Variants in ATP8B4 observed in about 807,000 individuals in gnomAD.
ATP8B4 encodes the protein probable phospholipid-transporting ATPase IM.
A neutral mutation model predicts 145.6 loss-of-function variants in ATP8B4; 133 were observed. The observed-to-expected ratio is 0.91, with a 90% confidence interval of 0.79 to 1.05. The LOEUF (loss-of-function observed/expected upper bound fraction) is 1.05, where lower values mean the gene tolerates loss of function less well. ATP8B4 is among the 50% of genes least tolerant of loss of function. The pLI, the probability that ATP8B4 is intolerant of heterozygous loss-of-function variation, is 0.00. For missense variants in ATP8B4, 1,458 were observed against 1,425.2 expected (o/e 1.02, Z -0.37); for synonymous variants, 507 against 492.9 (o/e 1.03, Z -0.38).
At chr15:50,130,914 A>G (rs141779074) in intron 1 of ATP8B4, among the ~76,000 whole-genome samples, 2,295 of 152,306 alleles carry the variant, frequency 0.015, 44 homozygotes, top group Non-Finnish European at 0.019. Context: ...AGACTGGGTA[A>G]TTTATAAACA....
At chr15:50,018,758 T>G in intron 6 of ATP8B4, 1 of 396,480 alleles carries the variant, frequency 2.5e-6, no homozygotes, top group Non-Finnish European at 4.6e-6. Flanking sequence ...ACTGTATTAT[T>G]CTGGTCCCTC....
At chr15:50,067,413 T>C (rs2053456703) in intron 3 of ATP8B4, among the ~76,000 whole-genome samples, 1 of 152,132 alleles carries the variant, frequency 6.6e-6, no homozygotes, top group African/African-American at 2.4e-5. Context: ...TAGTCTAAGG[T>C]CTGACTACAG....
intron 1 of ATP8B4, among the ~76,000 whole-genome samples, chr15:50,174,651 C>A (rs2044736452): frequency 6.6e-6 from 1 of 150,884 alleles, no homozygotes; most frequent in Admixed American, 6.6e-5. Flanking sequence ...ATAGATGACA[C>A]AAAGAAATGG....
chr15:50,072,012 CTAAATATTAA>C (rs57022573), intron 3 of ATP8B4, among the ~76,000 whole-genome samples: 15,479 of 150,686 alleles, frequency 0.1, 854 homozygotes, highest in African/African-American at 0.13. Context: ...GCTACCTCTC[CTAAATATTAA>C]TAAATATTAA....
At chr15:49,940,992 A>G (rs1282914901) in intron 14 of ATP8B4, among the ~76,000 whole-genome samples, 4 of 152,186 alleles carry the variant, frequency 2.6e-5, no homozygotes, top group African/African-American at 9.6e-5. Flanking sequence ...AGCAAACTAT[A>G]TTTTTAGGGA....
At chr15:49,883,700 G>A (rs544060871) in intron 23 of ATP8B4, among the ~76,000 whole-genome samples, 1 of 151,990 alleles carries the variant, frequency 6.6e-6, no homozygotes, top group South Asian at 2.1e-4. Context: ...TCCATGATGT[G>A]CTTATTTCAC....
At chr15:50,117,329 C>T (rs893846103) in intron 1 of ATP8B4, among the ~76,000 whole-genome samples, 19 of 152,204 alleles carry the variant, frequency 1.2e-4, no homozygotes, top group Non-Finnish European at 2.5e-4. Context: ...GGATTACAGG[C>T]ATGAGCCACT....
intron 1 of ATP8B4, among the ~76,000 whole-genome samples, chr15:50,172,253 C>T (rs527960270): frequency 3.3e-5 from 5 of 152,366 alleles, no homozygotes; most frequent in African/African-American, 1.2e-4. Flanking sequence ...CCTGATTCTC[C>T]TGCCTCAGCC....
intron 23 of ATP8B4, among the ~76,000 whole-genome samples, chr15:49,888,095 T>C (rs1001729977): frequency 6.6e-6 from 1 of 152,200 alleles, no homozygotes; most frequent in Non-Finnish European, 1.5e-5. Flanking sequence ...GGAATAAATA[T>C]GAGGTGCTCA....
At chr15:50,084,638 C>T (rs900247003) in intron 2 of ATP8B4, among the ~76,000 whole-genome samples, 1 of 152,176 alleles carries the variant, frequency 6.6e-6, no homozygotes, top group Non-Finnish European at 1.5e-5. Flanking sequence ...TCTTACAGTT[C>T]TGAAAGTCAG....
chr15:50,060,215 A>G lies in ATP8B4; in HGVS notation c.88-12751T>C, dbSNP rs1171570207. 3.4e-4 allele frequency among the ~76,000 whole-genome samples: 52 copies of G among 152,182 alleles called. 1 individual carries two copies. Among genetic ancestry groups the G allele is most frequent in the Admixed American group, 3.4e-3 (52 of 15,278 alleles). On this transcript the variant is annotated intron_variant, in intron 3 of 27. Transcript: ENST00000284509. ...CAGACATGCCGTACTGAAGGGAACT[A>G]CTTATGTGACAAGACAGATCACCTC...
At chr15:50,128,131 C>A (rs1164483774) in intron 1 of ATP8B4, among the ~76,000 whole-genome samples, 1 of 152,184 alleles carries the variant, frequency 6.6e-6, no homozygotes, top group Non-Finnish European at 1.5e-5. Context: ...AATATCACCC[C>A]AGAAAAGCAG....
intron 3 of ATP8B4, among the ~76,000 whole-genome samples, chr15:50,061,202 C>A (rs941681155): frequency 2.7e-5 from 4 of 149,434 alleles, no homozygotes; most frequent in Non-Finnish European, 4.5e-5. Flanking sequence ...AAAAAAAAAT[C>A]AGTGAAAAAT....
chr15:50,049,978 C>T (rs1204893603), intron 3 of ATP8B4, among the ~76,000 whole-genome samples: 1 of 152,038 alleles, frequency 6.6e-6, no homozygotes, highest in Non-Finnish European at 1.5e-5. Context: ...TGTCTTCTTG[C>T]CACATAGCAA....
chr15:49,918,456 CTAAAGGAG>C (rs1225972947), intron 19 of ATP8B4, among the ~76,000 whole-genome samples: 1 of 152,208 alleles, frequency 6.6e-6, no homozygotes, highest in Admixed American at 6.5e-5. Context: ...CATCAAGAAA[CTAAAGGAG>C]TAACCCAAGG....
intron 6 of ATP8B4, among the ~76,000 whole-genome samples, chr15:50,019,193 A>G (rs1328307946): frequency 3.9e-5 from 6 of 152,228 alleles, no homozygotes; most frequent in African/African-American, 1.4e-4. Flanking sequence ...TTTAAAGAAG[A>G]GAATATTGGC....
At chr15:49,889,474 T>C (rs1484309890) in intron 23 of ATP8B4, among the ~76,000 whole-genome samples, 1 of 152,198 alleles carries the variant, frequency 6.6e-6, no homozygotes, top group African/African-American at 2.4e-5. Context: ...AATCACAACA[T>C]AAGCAACGTA....
chr15:50,085,502 G>A (rs768056428), intron 2 of ATP8B4, among the ~76,000 whole-genome samples: 7 of 151,918 alleles, frequency 4.6e-5, no homozygotes, highest in Admixed American at 6.6e-5. Flanking sequence ...GCAGATCCAC[G>A]CAGTGCCGTA....
intron 25 of ATP8B4, among the ~76,000 whole-genome samples, chr15:49,872,553 C>T (rs570686875): frequency 1.7e-4 from 26 of 152,208 alleles, no homozygotes; most frequent in South Asian, 1.7e-3. Context: ...ATCATGTGCT[C>T]CCTGATAGAT....
Sources: gnomAD v4.1 joint callset for allele counts (sites outside exome capture counted in the v4.1 genomes callset) on GRCh38, gnomAD v4.1.1 for gene constraint, MANE v1.5 for transcripts, NCBI Gene and HGNC (gene_info 2026-07-23, HGNC 2026-07-21) for gene names.